ARHGEF26: variants seen among roughly 807,000 people sequenced by gnomAD.
ARHGEF26 encodes Rho guanine nucleotide exchange factor (GEF) 26.
A neutral mutation model predicts 89.4 loss-of-function variants in ARHGEF26; 59 were observed. The observed-to-expected ratio is 0.66, with a 90% confidence interval of 0.54 to 0.82. The LOEUF is 0.82. Among genes scored for constraint, ARHGEF26 ranks in the 40% least tolerant of loss-of-function variants. The pLI is 0.00. For missense variants in ARHGEF26, 1,234 were observed against 1,085.6 expected (o/e 1.14, Z -1.92); for synonymous variants, 500 against 428.4 (o/e 1.17, Z -2.06).
At chr3:154,239,709 G>A (rs2108282249) in intron 11 of ARHGEF26, among the ~76,000 whole-genome samples, 1 of 152,270 alleles carries the variant, frequency 6.6e-6, no homozygotes, top group African/African-American at 2.4e-5. Flanking sequence ...AACCAGCTGA[G>A]GAGTGGAAAA....
intron 11 of ARHGEF26, among the ~76,000 whole-genome samples, chr3:154,234,902 A>G (rs747791139): frequency 6.6e-6 from 1 of 152,110 alleles, no homozygotes; most frequent in Non-Finnish European, 1.5e-5. Context: ...AGTAGCTGGG[A>G]CTACAGGCGC....
rs1385458348 is a variant in ARHGEF26, at chr3:154,240,551, G to A, written c.2272G>A (p.Val758Met). Residue 758 changes from valine to methionine, a missense_variant, in exon 12 of 15, where the codon GTG becomes ATG. Coordinates refer to ENST00000465093, the MANE Select transcript of ARHGEF26 (RefSeq NM_015595.4). ...CCTTAGTAACCACGCGAATGAGAAAGTGGAGATGCTACTAGGAGCTGAGAC... is the reference window on the plus strand; with the variant it reads ...CCTTAGTAACCACGCGAATGAGAAAATGGAGATGCTACTAGGAGCTGAGAC... Reference protein sequence around the residue: ...TVLSNHANEKVEMLLGAETQS... With the variant: ...TVLSNHANEKMEMLLGAETQS... 2 of 1,612,260 alleles carry A rather than the reference G, an allele frequency of 1.2e-6. No homozygotes were observed. Among genetic ancestry groups the A allele is most frequent in the Admixed American group, 3.3e-5 (2 of 59,736 alleles).
intron 6 of ARHGEF26, among the ~76,000 whole-genome samples, chr3:154,172,336 C>T (rs1204277135): frequency 2.0e-5 from 3 of 152,184 alleles, no homozygotes; most frequent in Non-Finnish European, 4.4e-5. Context: ...GATGAGTCTT[C>T]TGCTTTCATT....
At chr3:154,210,745 C>T (rs1166722712) in intron 9 of ARHGEF26, among the ~76,000 whole-genome samples, 1 of 151,222 alleles carries the variant, frequency 6.6e-6, no homozygotes, top group African/African-American at 2.4e-5. Flanking sequence ...AGTTTGAGAC[C>T]AGCCTGGCCA....
chr3:154,222,797 T>C (rs1273015340), intron 10 of ARHGEF26, among the ~76,000 whole-genome samples: 2 of 152,198 alleles, frequency 1.3e-5, no homozygotes, highest in Admixed American at 6.5e-5. Flanking sequence ...GTGAATAGTC[T>C]TCAGGATAGT....
At chr3:154,253,089 C>G (rs948148552) in intron 12 of ARHGEF26, 27 bp from the exon 13 acceptor site, 26 of 1,613,294 alleles carry the variant, frequency 1.6e-5, no homozygotes, top group Non-Finnish European at 2.0e-5. Context: ...CCTTGAGTCT[C>G]TCAGTTGGAT....
chr3:154,138,986 T>G (rs921318), intron 4 of ARHGEF26, among the ~76,000 whole-genome samples: 138,524 of 152,258 alleles, frequency 0.91, 63,236 homozygotes, highest in East Asian at 1. Flanking sequence ...TGCAAGATCT[T>G]CTAGAAAAGA....
chr3:154,243,937 C>T (rs957447287), intron 12 of ARHGEF26, among the ~76,000 whole-genome samples: 1 of 152,074 alleles, frequency 6.6e-6, no homozygotes, highest in African/African-American at 2.4e-5. Context: ...TTTGGGCTAC[C>T]GAGTTTTGAG....
chr3:154,224,695 T>G (rs912862002), intron 10 of ARHGEF26, among the ~76,000 whole-genome samples: 6 of 152,128 alleles, frequency 3.9e-5, no homozygotes, highest in Admixed American at 2.6e-4. Flanking sequence ...ATTTCGAGAT[T>G]TTGGGGGTTG....
chr3:154,174,714 C>T (rs758442623), intron 6 of ARHGEF26, among the ~76,000 whole-genome samples: 5 of 151,780 alleles, frequency 3.3e-5, no homozygotes, highest in African/African-American at 1.2e-4. Context: ...ATTAGAGCAC[C>T]TAAAGGATCA....
intron 9 of ARHGEF26, among the ~76,000 whole-genome samples, chr3:154,196,701 G>A (rs1476014576): frequency 6.6e-6 from 1 of 152,122 alleles, no homozygotes; most frequent in East Asian, 1.9e-4. Flanking sequence ...TGACAAGTGA[G>A]AAGTTACCTA....
chr3:154,212,136 C>T (rs569471838), intron 9 of ARHGEF26, among the ~76,000 whole-genome samples: 1 of 152,096 alleles, frequency 6.6e-6, no homozygotes, highest in African/African-American at 2.4e-5. Context: ...CCCAGGAGTT[C>T]GAGACCAGCC....
chr3:154,251,659 GC>G (rs916816975), intron 12 of ARHGEF26, among the ~76,000 whole-genome samples: 1 of 152,162 alleles, frequency 6.6e-6, no homozygotes, highest in African/African-American at 2.4e-5. Flanking sequence ...TATCAGAGGA[GC>G]CCCCACTGGA....
intron 9 of ARHGEF26, among the ~76,000 whole-genome samples, chr3:154,204,521 G>T (rs1714887699): frequency 6.6e-6 from 1 of 151,518 alleles, no homozygotes; most frequent in African/African-American, 2.4e-5. Flanking sequence ...AGTAGAGATG[G>T]GGTTTCACCA....
rs573387388 is a variant in ARHGEF26 at position 154,143,155 on chromosome 3, T to C, written c.1270-6234T>C. ...TTGCTTTAATTGCAAAGCCAAGACA[T>C]GTTTATTACAGAAAAATCAGAAAGT... On this transcript the variant is annotated intron_variant, in intron 4 of 14. Coordinates refer to ENST00000465093, the MANE Select transcript of ARHGEF26 (RefSeq NM_015595.4). Among the ~76,000 whole-genome samples, 5 of 152,334 alleles carry C rather than the reference T, an allele frequency of 3.3e-5. No homozygotes were observed. The East Asian group carries it at 9.6e-4, about 29-fold the overall frequency.
chr3:154,154,854 C>T lies in ARHGEF26; in HGVS notation c.1487+1922C>T, dbSNP rs182565008. On this transcript the variant is annotated intron_variant, in intron 6 of 14. Transcript: ENST00000465093. ...TCTGTATGAGCATTAGGATTATTTT[C>T]AGTCTCACTGTTACAGATAGTTTTT... is the stretch of plus-strand genomic sequence containing the variant. Among the ~76,000 whole-genome samples the T allele has an allele frequency of 2.6e-5, 4 of 152,114 alleles. No individual in the cohort carries two copies. In the East Asian group the frequency reaches 7.7e-4, roughly 29 times the overall value.
chr3:154,132,663 G>A (rs577724348), intron 4 of ARHGEF26, among the ~76,000 whole-genome samples: 3 of 152,110 alleles, frequency 2.0e-5, no homozygotes, highest in South Asian at 4.2e-4. Context: ...AAGCTGCAGC[G>A]TTTAGGGCAG....
At chr3:154,149,307 A>T in intron 4 of ARHGEF26, 82 bp from the exon 5 acceptor site, 1 of 1,060,544 alleles carries the variant, frequency 9.4e-7, no homozygotes, top group Admixed American at 2.3e-5. Context: ...TTTGAAGGGC[A>T]TAGAGTTATG....
intron 8 of ARHGEF26, among the ~76,000 whole-genome samples, chr3:154,193,213 G>C (rs1292604176): frequency 6.6e-6 from 1 of 152,150 alleles, no homozygotes; most frequent in African/African-American, 2.4e-5. Flanking sequence ...ATACCCATTA[G>C]TGGGCCATAA....
Sources: gnomAD v4.1 joint callset for allele counts (sites outside exome capture counted in the v4.1 genomes callset) on GRCh38, gnomAD v4.1.1 for gene constraint, MANE v1.5 for transcripts, NCBI Gene and HGNC (gene_info 2026-07-23, HGNC 2026-07-21) for gene names.